PARD3: variants seen among roughly 807,000 people sequenced by gnomAD.
PARD3 encodes the protein par-3 family cell polarity regulator.
A neutral mutation model predicts 155.4 loss-of-function variants in PARD3; 75 were observed. The observed-to-expected ratio is 0.48, with a 90% CI of 0.40 to 0.58. The LOEUF (loss-of-function observed/expected upper bound fraction) is 0.58, where lower values mean the gene tolerates loss of function less well. Ranked by LOEUF, PARD3 falls within the 20% of genes least tolerant of loss-of-function variation. The pLI is 0.00. For missense variants in PARD3, 1,642 were observed against 1,721.7 expected, an observed-to-expected ratio of 0.95 and a Z score of 0.82; for synonymous variants, 576 against 610.5, an observed-to-expected ratio of 0.94 and a Z score of 0.83.
intron 14 of PARD3, among the ~76,000 whole-genome samples, chr10:34,355,958 C>CAAAAAAAAAAAGAA (rs1491326864): frequency 8.6e-6 from 1 of 116,198 alleles, no homozygotes. Flanking sequence ...AAAACAAAAC[C>CAAAAAAAAAAAGAA]AAACAAAAAA....
chr10:34,304,881 C>T (rs1025656070), intron 20 of PARD3, among the ~76,000 whole-genome samples: 3 of 152,068 alleles, frequency 2.0e-5, no homozygotes, highest in Non-Finnish European at 4.4e-5. Flanking sequence ...TTATTGTTTG[C>T]CTTAAAAAGT....
chr10:34,455,290 A>G (rs2077274477), intron 4 of PARD3, among the ~76,000 whole-genome samples: 1 of 152,198 alleles, frequency 6.6e-6, no homozygotes, highest in South Asian at 2.1e-4. Context: ...CAGAACCTCT[A>G]TGCATCATAT....
In PARD3 at chr10:34,695,231, C is replaced by G. The variant is rs1333176729; in HGVS notation, c.222+1087G>C. On this transcript the variant is annotated intron_variant, in intron 2 of 24. Transcript: ENST00000374788. ...GTGGCTCACATCTGTAATGCCAACA[C>G]TTTGAGAGGCCAAAGCAGGCGGATC... Among the ~76,000 whole-genome samples the G allele has an allele frequency of 2.0e-5, 3 of 152,294 alleles. No individual in the cohort carries two copies. In the East Asian group the frequency reaches 5.8e-4, roughly 29 times the overall value.
chr10:34,612,426 T>A (rs892856048), intron 2 of PARD3, among the ~76,000 whole-genome samples: 1 of 152,026 alleles, frequency 6.6e-6, no homozygotes, highest in African/African-American at 2.4e-5. Flanking sequence ...CAACGGAAGG[T>A]TAAAAAACAC....
chr10:34,776,256 C>A (rs758137441), intron 1 of PARD3, among the ~76,000 whole-genome samples: 2 of 152,124 alleles, frequency 1.3e-5, no homozygotes, highest in South Asian at 4.1e-4. Context: ...AGCAGGACAC[C>A]ATCTCTAAGC....
In PARD3 at chr10:34,543,695, T is replaced by G. The variant is rs1289462971; in HGVS notation, c.223-26536A>C. Among the ~76,000 whole-genome samples the G allele has an allele frequency of 3.3e-5, 5 of 152,232 alleles. No individual in the cohort carries two copies. In the East Asian group the frequency reaches 9.6e-4, roughly 29 times the overall value. On this transcript the variant is annotated intron_variant, in intron 2 of 24. Coordinates refer to ENST00000374788, the MANE Select transcript of PARD3 (RefSeq NM_001184785.2). ...TAAATCACAGTCTAAATGTTAGCCA[T>G]TATATTTAAAAGAACCCTAATTACA...
chr10:34,476,558 A>G (rs996002037), intron 3 of PARD3, among the ~76,000 whole-genome samples: 2 of 152,208 alleles, frequency 1.3e-5, no homozygotes, highest in African/African-American at 4.8e-5. Flanking sequence ...ATACTGGCAC[A>G]TCAGTCACCT....
intron 22 of PARD3, among the ~76,000 whole-genome samples, chr10:34,144,776 T>C (rs1948374435): frequency 6.6e-6 from 1 of 152,178 alleles, no homozygotes; most frequent in Admixed American, 6.5e-5. Flanking sequence ...TATATGAAAA[T>C]GATTTTACAA....
intron 2 of PARD3, among the ~76,000 whole-genome samples, chr10:34,666,777 T>TCAAAAA (rs1554804561): frequency 0.026 from 433 of 16,862 alleles, 38 homozygotes; most frequent in African/African-American, 0.053. Flanking sequence ...CCCCTCCCCC[T>TCAAAAA]AAAAAAAAAA....
At chr10:34,612,995 C>A (rs924355368) in intron 2 of PARD3, among the ~76,000 whole-genome samples, 1 of 152,046 alleles carries the variant, frequency 6.6e-6, no homozygotes, top group South Asian at 2.1e-4. Flanking sequence ...GTGTACAAAA[C>A]CTAAACCTAC....
intron 1 of PARD3, among the ~76,000 whole-genome samples, chr10:34,722,097 T>C (rs1482601487): frequency 6.6e-6 from 1 of 152,088 alleles, no homozygotes; most frequent in Non-Finnish European, 1.5e-5. Flanking sequence ...GAGGCTAAGG[T>C]AGGAGGACCA....
At chr10:34,495,172 C>CAAAA (rs60469043) in intron 3 of PARD3, among the ~76,000 whole-genome samples, 1 of 142,178 alleles carries the variant, frequency 7.0e-6, no homozygotes, top group African/African-American at 2.6e-5. Context: ...ACAAAAAAAG[C>CAAAA]AAAAAAAAAA....
intron 1 of PARD3, among the ~76,000 whole-genome samples, chr10:34,697,766 A>AACACACAC (rs377094946): frequency 0.049 from 7,120 of 146,268 alleles, 206 homozygotes; most frequent in Admixed American, 0.065. Flanking sequence ...TTGTAAAACA[A>AACACACAC]ACACTCACAC....
chr10:34,516,264 C>CA (rs1432320654), intron 3 of PARD3, among the ~76,000 whole-genome samples: 1 of 152,050 alleles, frequency 6.6e-6, no homozygotes, highest in East Asian at 1.9e-4. Context: ...CCCGCCCAGC[C>CA]AAAAAATCTT....
chr10:34,437,389 C>T, intron 5 of PARD3, among the ~76,000 whole-genome samples: 1 of 152,208 alleles, frequency 6.6e-6, no homozygotes, highest in South Asian at 2.1e-4. Context: ...TATCAAATGT[C>T]AATTTCTACC....
intron 2 of PARD3, among the ~76,000 whole-genome samples, chr10:34,625,691 T>A (rs1180523425): frequency 6.6e-6 from 1 of 152,166 alleles, no homozygotes; most frequent in Non-Finnish European, 1.5e-5. Flanking sequence ...GGCAGGTGGA[T>A]CACCTGAGGT....
intron 2 of PARD3, among the ~76,000 whole-genome samples, chr10:34,662,577 A>G (rs1423475973): frequency 1.3e-5 from 2 of 152,242 alleles, no homozygotes; most frequent in African/African-American, 4.8e-5. Context: ...TCAGCCATAA[A>G]AAAGAATGAG....
chr10:34,744,763 T>G (rs11009913), intron 1 of PARD3, among the ~76,000 whole-genome samples: 3,746 of 152,298 alleles, frequency 0.025, 130 homozygotes, highest in African/African-American at 0.084. Context: ...AAAAAACTGA[T>G]GCACAAAAAT....
At chr10:34,232,994 G>A (rs975422142) in intron 22 of PARD3, among the ~76,000 whole-genome samples, 3 of 145,384 alleles carry the variant, frequency 2.1e-5, no homozygotes, top group Non-Finnish European at 4.5e-5. Context: ...GAGCCACCGT[G>A]CCCGGCCCAT....
Sources: allele counts gnomAD v4.1 joint callset (sites outside exome capture counted in the v4.1 genomes callset), GRCh38; gene constraint gnomAD v4.1.1; transcripts MANE v1.5; gene names NCBI Gene and HGNC (gene_info 2026-07-23, HGNC 2026-07-21).